FBXO9: variants seen among roughly 807,000 people sequenced by gnomAD.
The protein encoded by FBXO9 is F-box protein 9, also known as F-box only protein 9.
A neutral mutation model predicts 63.7 loss-of-function variants in FBXO9; 43 were observed. The ratio of observed to expected loss-of-function variants is 0.67; its 90% CI spans 0.53 to 0.87. The LOEUF is 0.87. Ranked by LOEUF, FBXO9 falls within the 40% of genes least tolerant of loss-of-function variation. FBXO9 has a pLI of 0.00. For synonymous variants in FBXO9, 156 were observed against 171.7 expected, an observed-to-expected ratio of 0.91 and a Z score of 0.72; for missense variants, 442 against 533.2, an observed-to-expected ratio of 0.83 and a Z score of 1.68.
intron 7 of FBXO9, among the ~76,000 whole-genome samples, chr6:53,089,644 T>G (rs1762989350): frequency 6.6e-6 from 1 of 152,164 alleles, no homozygotes; most frequent in African/African-American, 2.4e-5. Flanking sequence ...AAAAAGACAC[T>G]TTTCTTTACA....
chr6:53,076,410 A>G, intron 3 of FBXO9, 76 bp from the exon 4 acceptor site: 1 of 902,474 alleles, frequency 1.1e-6, no homozygotes, highest in South Asian at 1.7e-5. Flanking sequence ...ACAATTTATT[A>G]AAAAGGCTCT....
intron 12 of FBXO9, among the ~76,000 whole-genome samples, chr6:53,096,879 C>T (rs777013627): frequency 3.9e-5 from 6 of 152,112 alleles, no homozygotes; most frequent in Non-Finnish European, 8.8e-5. Context: ...GCACTCCAGC[C>T]TCGGTGATAG....
In FBXO9 at chr6:53,080,090, G is replaced by A. The variant is rs531227332; in HGVS notation, c.408-878G>A. 1.5e-3 allele frequency among the ~76,000 whole-genome samples: 224 copies of A among 151,624 alleles called. 1 individual carries two copies. The highest frequency in any genetic ancestry group is 2.8e-3 in the Non-Finnish European group (187 of 67,860). The stretch of plus-strand genomic sequence containing the variant: ...AAGATTGTATTAAAATATTAAAGAG[G>A]CATTTCTTTTCTTTCCCATTTTTTA... On this transcript the variant is annotated intron_variant, in intron 5 of 12. Transcript: ENST00000323557.
chr6:53,081,143 C>T (rs1475204266), intron 6 of FBXO9, 45 bp downstream of exon 6: 4 of 1,566,394 alleles, frequency 2.6e-6, no homozygotes, highest in Non-Finnish European at 3.4e-6. Context: ...ATATCTTAAC[C>T]TTAAAGATTT....
chr6:53,076,709 C>A (rs1769123678), intron 4 of FBXO9, among the ~76,000 whole-genome samples, 166 bp downstream of exon 4: 2 of 151,782 alleles, frequency 1.3e-5, no homozygotes, highest in Admixed American at 6.6e-5. Flanking sequence ...TTTGTAGATA[C>A]CAAAATGCTC....
chr6:53,093,044 G>T, intron 9 of FBXO9: 1 of 431,166 alleles, frequency 2.3e-6, no homozygotes, highest in Non-Finnish European at 4.1e-6. Context: ...TTTTGCCCTG[G>T]GTGTATTTAC....
At chr6:53,068,713 T>A (rs1768804009) in intron 1 of FBXO9, among the ~76,000 whole-genome samples, 1 of 148,318 alleles carries the variant, frequency 6.7e-6, no homozygotes, top group African/African-American at 2.5e-5. Flanking sequence ...AGAGCAGTGG[T>A]GCAGTCTCGG....
At chr6:53,080,297 G>GTT (rs112716908) in intron 5 of FBXO9, among the ~76,000 whole-genome samples, 3 of 140,216 alleles carry the variant, frequency 2.1e-5, no homozygotes, top group African/African-American at 7.8e-5. Context: ...GCCCTTCCTG[G>GTT]TTTTTTTTTT....
intron 1 of FBXO9, among the ~76,000 whole-genome samples, chr6:53,070,197 T>A (rs1005696763): frequency 6.6e-6 from 1 of 151,710 alleles, no homozygotes; most frequent in African/African-American, 2.4e-5. Flanking sequence ...TTTTTGTATT[T>A]TTAGTAGAGA....
intron 7 of FBXO9, chr6:53,092,143 A>G (rs1158685343): frequency 1.3e-5 from 4 of 297,836 alleles, no homozygotes; most frequent in African/African-American, 8.8e-5. Context: ...CCAGAGAGGC[A>G]TTTCCTGGCC....
rs1581837650 is a variant in FBXO9 at position 53,099,330 on chromosome 6, T to A, written c.*1500T>A. On this transcript the variant is annotated 3_prime_UTR_variant, in exon 13 of 13. Transcript: ENST00000323557. ...ATTGCCTGAGCCTGGGAAGTGGAAG[T>A]TGCAGTGAGCCAAGATCGTGCCATT... 1 of 151,886 alleles carries A rather than the reference T, an allele frequency of 6.6e-6. No homozygotes were observed. The highest frequency in any genetic ancestry group is 2.4e-5 in the African/African-American group (1 of 41,242). 9.4% of individuals were successfully genotyped at this position (151,886 alleles called of 1,614,324 possible). A position where few individuals can be genotyped will look rare whatever the true frequency, so the allele number is the denominator to read the frequency against.
intron 12 of FBXO9, 36 bp downstream of exon 12, chr6:53,095,700 A>G (rs750723471): frequency 9.1e-6 from 14 of 1,540,478 alleles, no homozygotes; most frequent in Admixed American, 1.9e-5. Flanking sequence ...AGGTTACACT[A>G]TAAATGTATA....
At chr6:53,078,724 CCA>C in intron 4 of FBXO9, 73 bp from the exon 5 acceptor site, 1 of 1,084,366 alleles carries the variant, frequency 9.2e-7, no homozygotes, top group Non-Finnish European at 1.4e-6. Context: ...CCAAATTAAA[CCA>C]CAGTTAAGGG....
chr6:53,081,807 G>T (rs75993292), intron 6 of FBXO9, among the ~76,000 whole-genome samples: 1 of 152,082 alleles, frequency 6.6e-6, no homozygotes, highest in African/African-American at 2.4e-5. Flanking sequence ...GGTGGCTCAC[G>T]CCTGCAATCT....
chr6:53,067,660 A>T (rs891131318), intron 1 of FBXO9, among the ~76,000 whole-genome samples: 1 of 152,168 alleles, frequency 6.6e-6, no homozygotes, highest in East Asian at 1.9e-4. Flanking sequence ...GTCCCCTCGC[A>T]TTACCTGTAC....
chr6:53,092,645 G>A, intron 8 of FBXO9, 89 bp from the exon 9 acceptor site: 3 of 1,391,468 alleles, frequency 2.2e-6, no homozygotes, highest in East Asian at 4.6e-5. Flanking sequence ...TGTGAGTACT[G>A]TAAGCATGTT....
chr6:53,077,785 A>G (rs1769171459), intron 4 of FBXO9, among the ~76,000 whole-genome samples: 1 of 152,204 alleles, frequency 6.6e-6, no homozygotes, highest in African/African-American at 2.4e-5. Context: ...GTCCCTGTGC[A>G]GCCTTCATTG....
intron 7 of FBXO9, chr6:53,091,871 C>A (rs139746797): frequency 1.2e-4 from 18 of 154,318 alleles, no homozygotes; most frequent in Non-Finnish European, 2.3e-4. Flanking sequence ...CCAGAGTGAT[C>A]TTTTAAAATA....
chr6:53,073,754 C>T lies in FBXO9; in HGVS notation c.249+115C>T, dbSNP rs1433231138. On this transcript the variant is annotated intron_variant, in intron 3 of 12. Coordinates refer to ENST00000323557, the MANE Select transcript of FBXO9 (RefSeq NM_033480.3). ...AGACTTTCGGGACATAAACACATAT[C>T]TTGTAAAATAAAAATTTTGACTAGT... 1.1e-4 allele frequency: 96 copies of T among 872,782 alleles called. No individual in the cohort carries two copies. The South Asian group carries it at 1.9e-3, about 17-fold the overall frequency. 54.1% of individuals were successfully genotyped at this position (872,782 alleles called of 1,614,324 possible). A position where few individuals can be genotyped will look rare whatever the true frequency, so the allele number is the denominator to read the frequency against.
Sources: gnomAD v4.1 joint callset for allele counts (sites outside exome capture counted in the v4.1 genomes callset) on GRCh38, gnomAD v4.1.1 for gene constraint, MANE v1.5 for transcripts, NCBI Gene and HGNC (gene_info 2026-07-23, HGNC 2026-07-21) for gene names.